The following MYOM1 variants were observed in gnomAD, a reference collection of about 807,000 sequenced individuals.
MYOM1 encodes the protein myomesin 1.
In MYOM1, 164 loss-of-function variants were observed where a neutral mutation model predicts 205.3. That is an observed-to-expected ratio of 0.80 (90% CI 0.70 to 0.91). The LOEUF is 0.91. Among genes scored for constraint, MYOM1 ranks in the 40% least tolerant of loss-of-function variants. MYOM1 has a pLI of 0.00. For missense variants in MYOM1, 2,011 were observed against 2,127.3 expected (o/e 0.95, Z 1.08); for synonymous variants, 772 against 789.4 (o/e 0.98, Z 0.37).
At chr18:3,165,698 A>G (rs896922407) in intron 9 of MYOM1, among the ~76,000 whole-genome samples, 2 of 152,182 alleles carry the variant, frequency 1.3e-5, no homozygotes, top group Middle Eastern at 3.2e-3. Flanking sequence ...CCAGGAGTTA[A>G]TATTTGTGCA....
intron 22 of MYOM1, among the ~76,000 whole-genome samples, chr18:3,109,426 A>G (rs1567909651): frequency 2.0e-5 from 3 of 152,242 alleles, no homozygotes; most frequent in Admixed American, 1.3e-4. Flanking sequence ...CTGATAATTA[A>G]TGGGCAGGAA....
At chr18:3,119,190 A>C (rs966736602) in intron 20 of MYOM1, among the ~76,000 whole-genome samples, 1 of 152,132 alleles carries the variant, frequency 6.6e-6, no homozygotes, top group Admixed American at 6.5e-5. Context: ...TGACCTCTGA[A>C]GAACAGTATT....
At chr18:3,127,008 T>A (rs757380308) in intron 18 of MYOM1, 111 bp from the exon 19 acceptor site, 22 of 967,462 alleles carry the variant, frequency 2.3e-5, no homozygotes, top group Non-Finnish European at 3.3e-5. Flanking sequence ...AGTATAAAAC[T>A]AAAATTCGAG....
intron 19 of MYOM1, 56 bp downstream of exon 19, chr18:3,126,645 T>A: frequency 2.7e-6 from 4 of 1,497,798 alleles, no homozygotes; most frequent in African/African-American, 1.4e-5. Flanking sequence ...TGCCTGGGCG[T>A]GCAAGCATAG....
intron 6 of MYOM1, among the ~76,000 whole-genome samples, 177 bp downstream of exon 6, chr18:3,175,865 A>C (rs935902386): frequency 6.6e-6 from 1 of 152,192 alleles, no homozygotes; most frequent in Non-Finnish European, 1.5e-5. Context: ...TGGGTATGGT[A>C]AGGATCAGTC....
intron 13 of MYOM1, among the ~76,000 whole-genome samples, chr18:3,143,978 G>A (rs1435215984): frequency 6.6e-6 from 1 of 151,236 alleles, no homozygotes; most frequent in Non-Finnish European, 1.5e-5. Context: ...AGGCCGAGGA[G>A]GGTGGATCAC....
intron 20 of MYOM1, 29 bp downstream of exon 20, chr18:3,119,840 C>T (rs370212767): frequency 6.5e-5 from 102 of 1,579,232 alleles, no homozygotes; most frequent in Non-Finnish European, 8.2e-5. Flanking sequence ...TTCCGAGGTG[C>T]GGTGTGGAGG....
chr18:3,082,639 T>C (rs2079097388), intron 33 of MYOM1, among the ~76,000 whole-genome samples: 1 of 152,180 alleles, frequency 6.6e-6, no homozygotes, highest in African/African-American at 2.4e-5. Context: ...TGAATGTGGC[T>C]ACATTCCATT....
At chr18:3,161,549 T>C (rs1369423647) in intron 10 of MYOM1, among the ~76,000 whole-genome samples, 3 of 152,128 alleles carry the variant, frequency 2.0e-5, no homozygotes, top group African/African-American at 7.2e-5. Flanking sequence ...ACTCCCTTTC[T>C]TTCTCCTCCC....
chr18:3,091,417 T>C lies in MYOM1; in HGVS notation c.3865-615A>G, dbSNP rs758014010. On this transcript the variant is annotated intron_variant, in intron 26 of 37. Transcript: ENST00000356443. Reference sequence around the variant, plus strand: ...TCTCTTGAACCCAGGAGGTCAAGGCTACAGTGAGCCATGATTGTGCCACTG... The same window carrying C: ...TCTCTTGAACCCAGGAGGTCAAGGCCACAGTGAGCCATGATTGTGCCACTG... Among the ~76,000 whole-genome samples, 96 of 151,668 alleles carry C rather than the reference T, an allele frequency of 6.3e-4. 1 individual carries two copies. The highest frequency in any genetic ancestry group is 1.3e-3 in the Non-Finnish European group (90 of 67,940).
chr18:3,132,545 G>T (rs2079893586), intron 16 of MYOM1, among the ~76,000 whole-genome samples: 1 of 152,050 alleles, frequency 6.6e-6, no homozygotes, highest in Non-Finnish European at 1.5e-5. Context: ...TTTGTTGACG[G>T]ATTATTTCAT....
chr18:3,132,039 A>G lies in MYOM1; in HGVS notation c.2385-543T>C, dbSNP rs141752431. Among the ~76,000 whole-genome samples, 1,064 of 140,232 alleles carry G rather than the reference A, an allele frequency of 7.6e-3. 11 individuals carry two copies. The highest frequency in any genetic ancestry group is 0.026 in the African/African-American group (1,017 of 38,906). The allele number at this position is 140,232 out of a possible 152,430, so 92.0% of individuals were successfully genotyped here. On this transcript the variant is annotated intron_variant, in intron 16 of 37. Transcript: ENST00000356443. ...TATTAGTATTAATATTATTATATAT[A>G]TGTATATATAATAATAATATATACA... is the stretch of plus-strand genomic sequence containing the variant.
upstream of MYOM1, among the ~76,000 whole-genome samples, chr18:3,220,501 G>T (rs1411953953): frequency 6.6e-6 from 1 of 152,196 alleles, no homozygotes; most frequent in African/African-American, 2.4e-5. Flanking sequence ...CTGAATATGT[G>T]ATTTCCTGTT....
chr18:3,120,025 A>T, intron 19 of MYOM1, 30 bp from the exon 20 acceptor site: 1 of 1,542,156 alleles, frequency 6.5e-7, no homozygotes, highest in Non-Finnish European at 8.7e-7. Flanking sequence ...ACAGATACTG[A>T]ATGTTCCAGG....
intron 9 of MYOM1, 93 bp downstream of exon 9, chr18:3,168,724 T>C (rs1473088962): frequency 7.3e-7 from 1 of 1,362,350 alleles, no homozygotes; most frequent in African/African-American, 1.5e-5. Flanking sequence ...CCCTTCTAAC[T>C]TCCAGATTCC....
the MYOM1 span, among the ~76,000 whole-genome samples, chr18:3,226,222 A>C: frequency 6.6e-6 from 1 of 152,178 alleles, no homozygotes; most frequent in African/African-American, 2.4e-5. The surrounding 1 kb of genome is among the most constrained non-coding windows in gnomAD (Gnocchi z 4.6). Context: ...GGAGAGTAGA[A>C]GTGCTGCAGT....
chr18:3,139,875 T>C (rs1388850159), intron 14 of MYOM1, among the ~76,000 whole-genome samples: 3 of 152,178 alleles, frequency 2.0e-5, no homozygotes, highest in Non-Finnish European at 4.4e-5. Context: ...AATTAGAGTT[T>C]ATATGACCAG....
At chr18:3,082,245 G>A (rs967586464) in intron 33 of MYOM1, among the ~76,000 whole-genome samples, 5 of 152,162 alleles carry the variant, frequency 3.3e-5, no homozygotes, top group Admixed American at 6.5e-5. Flanking sequence ...CATGGCCTGG[G>A]GTTTGGGGAT....
At chr18:3,097,749 A>C (rs2079324539) in intron 25 of MYOM1, among the ~76,000 whole-genome samples, 1 of 152,138 alleles carries the variant, frequency 6.6e-6, no homozygotes, top group African/African-American at 2.4e-5. Context: ...CTCTCTACCA[A>C]AATGCGACAC....
Sources: gnomAD v4.1 joint callset for allele counts (sites outside exome capture counted in the v4.1 genomes callset) on GRCh38, gnomAD v4.1.1 for gene constraint, Gnocchi (gnomAD v3.1) non-coding constraint, MANE v1.5 for transcripts, NCBI Gene and HGNC (gene_info 2026-07-23, HGNC 2026-07-21) for gene names.